Variants in CGRRF1 observed in about 807,000 individuals in gnomAD.
CGRRF1 encodes the protein cell growth regulator with RING finger domain protein 1.
In CGRRF1, 32 loss-of-function variants were observed where a neutral mutation model predicts 37.2. The observed-to-expected ratio is 0.86, with a 90% CI of 0.65 to 1.16. CGRRF1 has a LOEUF of 1.16. Ranked by LOEUF, CGRRF1 falls within the 50% of genes most tolerant of loss-of-function variation. The pLI is 0.00. For missense variants in CGRRF1, 391 were observed against 382.6 expected, an observed-to-expected ratio of 1.02 and a Z score of -0.18; for synonymous variants, 141 against 140.3, an observed-to-expected ratio of 1.00 and a Z score of -0.04.
chr14:54,525,736 A>G (rs761280931), intron 2 of CGRRF1, among the ~76,000 whole-genome samples: 2 of 152,188 alleles, frequency 1.3e-5, no homozygotes, highest in East Asian at 3.9e-4. Context: ...TTTTTTCACC[A>G]CTGTACCCAA....
At chr14:54,521,996 T>A (rs2032325015) in intron 1 of CGRRF1, among the ~76,000 whole-genome samples, 2 of 152,218 alleles carry the variant, frequency 1.3e-5, no homozygotes, top group Non-Finnish European at 2.9e-5. Flanking sequence ...GAACAATACC[T>A]AGTCCTTCCT....
chr14:54,531,811 T>C (rs142708435), intron 4 of CGRRF1, among the ~76,000 whole-genome samples: 25 of 152,284 alleles, frequency 1.6e-4, no homozygotes, highest in African/African-American at 5.5e-4. Flanking sequence ...CTGAGTATAA[T>C]AGAAACTTAG....
intron 1 of CGRRF1, among the ~76,000 whole-genome samples, chr14:54,514,079 C>T (rs1315801384): frequency 2.0e-5 from 3 of 152,130 alleles, no homozygotes; most frequent in African/African-American, 7.2e-5. Context: ...GTAATAACCT[C>T]ACCTAGGGTA....
intron 2 of CGRRF1, among the ~76,000 whole-genome samples, chr14:54,524,444 A>G (rs1027370823): frequency 1.7e-4 from 25 of 146,334 alleles, no homozygotes; most frequent in African/African-American, 6.4e-4. Context: ...GGAATGCAGT[A>G]GTATGATCAT....
chr14:54,538,082 A>G lies in CGRRF1; in HGVS notation c.698A>G (p.Asn233Ser). ...HDLKQLFMSA[N>S]NNFTPSNNSS... ...TTTCAGCAACTTTTCATGTCTGCAA[A>G]TAATAATTTCACTCCCTCCAACAAT... The change falls in exon 6 of 6, where the codon AAT becomes AGT. Residue 233 changes from asparagine to serine, a missense_variant. Physicochemically the swap from Asn to Ser is conservative, Grantham distance 46. Coordinates refer to ENST00000216420, the MANE Select transcript of CGRRF1 (RefSeq NM_006568.3). The G allele has an allele frequency of 6.2e-7, 1 of 1,605,850 alleles. No individual in the cohort carries two copies. The highest frequency in any genetic ancestry group is 8.5e-7 in the Non-Finnish European group (1 of 1,177,226).
chr14:54,524,180 G>T (rs1359709586), intron 2 of CGRRF1, among the ~76,000 whole-genome samples: 2 of 152,036 alleles, frequency 1.3e-5, no homozygotes, highest in African/African-American at 4.8e-5. Flanking sequence ...AGCCTTTCAG[G>T]GCTGAGTTAA....
intron 1 of CGRRF1, among the ~76,000 whole-genome samples, chr14:54,518,479 G>A (rs571045272): frequency 6.6e-6 from 1 of 151,952 alleles, no homozygotes; most frequent in Non-Finnish European, 1.5e-5. Flanking sequence ...GAACCCAGGA[G>A]GTGGAGGTTG....
rs757307587 is a variant in CGRRF1, at chr14:54,539,099, A to G, written c.*716A>G. 2 of 152,248 alleles carry G rather than the reference A, an allele frequency of 1.3e-5. No homozygotes were observed. Among genetic ancestry groups the G allele is most frequent in the African/African-American group, 4.8e-5 (2 of 41,466 alleles). 9.4% of individuals were successfully genotyped at this position (152,248 alleles called of 1,614,324 possible). A position where few individuals can be genotyped will look rare whatever the true frequency, so the allele number is the denominator to read the frequency against. ...AGTCAAGTGTGATTAGATTAGCAGA[A>G]TGTGATCTCCAGGGAAGATCTGTGA... On this transcript the variant is annotated 3_prime_UTR_variant, in exon 6 of 6. Coordinates refer to ENST00000216420, the MANE Select transcript of CGRRF1 (RefSeq NM_006568.3).
In CGRRF1 at chr14:54,531,004, C is replaced by T. The variant is rs751536326; in HGVS notation, c.524C>T (p.Ala175Val). ...CCCAGATCTCGCTATCCATTGGTAGCGCTATTGACCTTAGCTGATGAGGAT... is the reference window on the plus strand; with the variant it reads ...CCCAGATCTCGCTATCCATTGGTAGTGCTATTGACCTTAGCTGATGAGGAT... ...TVPRSRYPLV[A>V]LLTLADEDDR... The change falls in exon 4 of 6, where the codon GCG becomes GTG. Residue 175 changes from alanine (A) to valine (V), a missense_variant. Coordinates refer to ENST00000216420, the MANE Select transcript of CGRRF1 (RefSeq NM_006568.3). The T allele has an allele frequency of 1.8e-5, 29 of 1,612,034 alleles. No individual in the cohort carries two copies. The highest frequency in any genetic ancestry group is 4.0e-5 in the African/African-American group (3 of 74,804).
Position 54,530,101 on chromosome 14 carries a change from C to T in CGRRF1, c.297C>T (p.Tyr99=). 17 of 1,613,548 alleles carry T rather than the reference C, an allele frequency of 1.1e-5. No homozygotes were observed. Among genetic ancestry groups the T allele is most frequent in the Non-Finnish European group, 1.4e-5 (17 of 1,179,564 alleles). ...DCLEDSLLTC[Y]WGCSVQKLYE... ...TTGAAGATAGCCTCCTTACATGCTACTGGGGGTGCAGTGTTCAAAAATTAT... is the reference window on the plus strand; with the variant it reads ...TTGAAGATAGCCTCCTTACATGCTATTGGGGGTGCAGTGTTCAAAAATTAT... The change falls in exon 3 of 6, where the codon TAC becomes TAT. Residue 99 remains tyrosine, a synonymous_variant. Transcript: ENST00000216420.
intron 4 of CGRRF1, among the ~76,000 whole-genome samples, chr14:54,535,119 T>C (rs1190782745): frequency 1.3e-5 from 2 of 152,196 alleles, no homozygotes; most frequent in African/African-American, 2.4e-5. Flanking sequence ...TACCCCTAAA[T>C]GCTTCAGTGT....
rs2032631941 is a variant in CGRRF1 at position 54,538,223 on chromosome 14, G to A, written c.839G>A (p.Gly280Glu). The A allele has an allele frequency of 4.3e-6, 7 of 1,614,156 alleles. No homozygotes were observed. In the East Asian group the frequency reaches 1.6e-4, roughly 36 times the overall value. The change falls in exon 6 of 6, where the codon GGG becomes GAG. Residue 280 changes from glycine (G) to glutamate (E), a missense_variant. Coordinates refer to ENST00000216420, the MANE Select transcript of CGRRF1 (RefSeq NM_006568.3). ...NSKDCVVCQN[G>E]TVNWVLLPCR... Reference sequence around the variant, plus strand: ...AAGGACTGTGTTGTTTGCCAGAATGGGACTGTGAACTGGGTACTCTTACCA... The same window carrying A: ...AAGGACTGTGTTGTTTGCCAGAATGAGACTGTGAACTGGGTACTCTTACCA...
intron 1 of CGRRF1, among the ~76,000 whole-genome samples, chr14:54,510,722 G>T (rs2032115756): frequency 6.6e-6 from 1 of 152,194 alleles, no homozygotes; most frequent in Admixed American, 6.5e-5. Context: ...AGAATGGTCT[G>T]TTAGATAACC....
At chr14:54,529,700 A>G (rs1405150689) in intron 2 of CGRRF1, among the ~76,000 whole-genome samples, 1 of 152,176 alleles carries the variant, frequency 6.6e-6, no homozygotes, top group East Asian at 1.9e-4. Context: ...CATATACACT[A>G]TGAGAGTGGT....
intron 1 of CGRRF1, among the ~76,000 whole-genome samples, chr14:54,519,713 C>T (rs1174134959): frequency 1.3e-5 from 2 of 152,232 alleles, no homozygotes; most frequent in African/African-American, 4.8e-5. Context: ...TGCTGCCAGA[C>T]TGAGAACCAT....
chr14:54,510,918 T>A (rs1183163050), intron 1 of CGRRF1, among the ~76,000 whole-genome samples: 1 of 152,180 alleles, frequency 6.6e-6, no homozygotes, highest in Non-Finnish European at 1.5e-5. Context: ...AAACAGCAGT[T>A]CTAAGTGGAT....
chr14:54,510,020 G>T lies in CGRRF1; in HGVS notation c.61G>T (p.Val21Phe). The T allele has an allele frequency of 6.2e-7, 1 of 1,613,916 alleles. No homozygotes were observed. Among genetic ancestry groups the T allele is most frequent in the Non-Finnish European group, 8.5e-7 (1 of 1,179,820 alleles). Reference sequence around the variant, plus strand: ...CTCGCCGCTTTTCTACATCGCGGTGGTCTTTACCTGCTTCATCGTGACCAC... The same window carrying T: ...CTCGCCGCTTTTCTACATCGCGGTGTTCTTTACCTGCTTCATCGTGACCAC... Reference protein sequence around the residue: ...EYSPLFYIAVVFTCFIVTTGL... With the variant: ...EYSPLFYIAVFFTCFIVTTGL... The change falls in exon 1 of 6, where the codon GTC (valine) becomes TTC (phenylalanine). Residue 21 changes from valine to phenylalanine, a missense_variant. Val to Phe is a conservative substitution (Grantham distance 50, BLOSUM62 -1). Transcript: ENST00000216420.
intron 1 of CGRRF1, among the ~76,000 whole-genome samples, chr14:54,517,131 T>C (rs1277111067): frequency 6.6e-6 from 1 of 152,194 alleles, no homozygotes; most frequent in African/African-American, 2.4e-5. Flanking sequence ...ATCTGTATGA[T>C]TTCTGGATCT....
intron 2 of CGRRF1, among the ~76,000 whole-genome samples, chr14:54,527,121 C>T (rs745514211): frequency 2.6e-5 from 4 of 152,088 alleles, no homozygotes; most frequent in African/African-American, 2.4e-5. Flanking sequence ...CTTACAGCTA[C>T]GTCCCAATTC....
Sources: gnomAD v4.1 joint callset for allele counts (sites outside exome capture counted in the v4.1 genomes callset) on GRCh38, gnomAD v4.1.1 for gene constraint, MANE v1.5 for transcripts, NCBI Gene and HGNC (gene_info 2026-07-23, HGNC 2026-07-21) for gene names.